Variants in DDR2 observed in about 807,000 individuals in gnomAD.
DDR2 encodes discoidin domain-containing receptor 2.
In DDR2, 27 loss-of-function variants were observed where a neutral mutation model predicts 94.9. The observed-to-expected ratio is 0.28, with a 90% CI of 0.21 to 0.39. The LOEUF is 0.39. DDR2 is among the 10% of genes least tolerant of loss of function. DDR2 has a pLI of 1.00. For synonymous variants in DDR2, 382 were observed against 377.2 expected (o/e 1.01, Z -0.15); for missense variants, 783 against 1,076.0 (o/e 0.73, Z 3.81).
At chr1:162,727,136 C>A (rs963997917) in intron 3 of DDR2, among the ~76,000 whole-genome samples, 1 of 142,036 alleles carries the variant, frequency 7.0e-6, no homozygotes, top group Non-Finnish European at 1.5e-5. Flanking sequence ...TAAATATAAA[C>A]ATATATTTAT....
In DDR2 at chr1:162,703,824, C is replaced by T. The variant is rs962127209; in HGVS notation, c.-27-15213C>T. Reference sequence around the variant, plus strand: ...CCATAGCTTCTCCCCCTCCACCCAACCCCAGCCTTTCCAGAGTGTGTCTGT... The same window carrying T: ...CCATAGCTTCTCCCCCTCCACCCAATCCCAGCCTTTCCAGAGTGTGTCTGT... On this transcript the variant is annotated intron_variant, in intron 2 of 17. Transcript: ENST00000367921. 5.9e-5 allele frequency among the ~76,000 whole-genome samples: 9 copies of T among 152,280 alleles called. No homozygotes were observed. In the East Asian group the frequency reaches 1.7e-3, roughly 29 times the overall value.
chr1:162,682,585 A>G (rs1659464890), intron 2 of DDR2, among the ~76,000 whole-genome samples: 1 of 152,250 alleles, frequency 6.6e-6, no homozygotes, highest in Non-Finnish European at 1.5e-5. Flanking sequence ...TAATGGGTGC[A>G]AGCAAGAATA....
At chr1:162,767,152 G>T (rs1405394547) in intron 10 of DDR2, 77 bp from the exon 11 acceptor site, 1 of 1,602,068 alleles carries the variant, frequency 6.2e-7, no homozygotes, top group African/African-American at 1.3e-5. Flanking sequence ...CTACCTCCAT[G>T]TTTCCAGTTC....
chr1:162,692,695 A>C (rs561017195), intron 2 of DDR2, among the ~76,000 whole-genome samples: 5 of 152,248 alleles, frequency 3.3e-5, no homozygotes, highest in Non-Finnish European at 5.9e-5. Flanking sequence ...TGCTGGTAAG[A>C]ATCAGACATG....
chr1:162,659,150 TA>T (rs1316636507), intron 2 of DDR2, among the ~76,000 whole-genome samples: 6 of 152,276 alleles, frequency 3.9e-5, no homozygotes, highest in African/African-American at 1.4e-4. Context: ...AAATAAGAGA[TA>T]ACTCCAGCCT....
intron 2 of DDR2, among the ~76,000 whole-genome samples, chr1:162,714,789 G>T (rs1661083597): frequency 6.6e-6 from 1 of 152,072 alleles, no homozygotes; most frequent in Non-Finnish European, 1.5e-5. Context: ...TTTTACTGAT[G>T]TGCTTATCAC....
At chr1:162,766,865 C>G (rs933333190) in intron 10 of DDR2, among the ~76,000 whole-genome samples, 1 of 151,960 alleles carries the variant, frequency 6.6e-6, no homozygotes, top group Admixed American at 6.6e-5. Context: ...AACCCCATCT[C>G]TACTAAAGAT....
intron 17 of DDR2, 70 bp from the exon 18 acceptor site, chr1:162,780,042 C>T (rs982496744): frequency 4.7e-5 from 76 of 1,604,538 alleles, no homozygotes; most frequent in Admixed American, 1.5e-4. Context: ...AAAGATACTT[C>T]CCTTTCCCCC....
chr1:162,762,836 G>T (rs1215345377), intron 9 of DDR2, among the ~76,000 whole-genome samples: 4 of 151,926 alleles, frequency 2.6e-5, no homozygotes, highest in Admixed American at 6.6e-5. Context: ...ATTATTATTA[G>T]TAGTAGTATG....
chr1:162,716,418 A>G (rs1661171131), intron 2 of DDR2, among the ~76,000 whole-genome samples: 2 of 152,240 alleles, frequency 1.3e-5, no homozygotes, highest in Non-Finnish European at 2.9e-5. Flanking sequence ...TTAGTGCTCA[A>G]CTATAGCCAA....
chr1:162,676,782 C>T (rs553034121), intron 2 of DDR2, among the ~76,000 whole-genome samples: 1 of 152,250 alleles, frequency 6.6e-6, no homozygotes, highest in Non-Finnish European at 1.5e-5. Flanking sequence ...CCACAGATGA[C>T]GGAAGTGAGG....
intron 2 of DDR2, among the ~76,000 whole-genome samples, chr1:162,691,609 G>A (rs1166850430): frequency 1.3e-5 from 2 of 152,228 alleles, no homozygotes; most frequent in Non-Finnish European, 2.9e-5. Context: ...GTGCTGGCAA[G>A]TACAACTGGC....
At chr1:162,717,009 A>C (rs1661195268) in intron 2 of DDR2, among the ~76,000 whole-genome samples, 1 of 151,868 alleles carries the variant, frequency 6.6e-6, no homozygotes. Context: ...AGTGTTACTC[A>C]GAGGGAATTT....
chr1:162,657,192 A>G (rs1239990329), intron 2 of DDR2, among the ~76,000 whole-genome samples: 1 of 152,108 alleles, frequency 6.6e-6, no homozygotes, highest in Non-Finnish European at 1.5e-5. Context: ...TTCAAGGCAT[A>G]TGCTATATAT....
At chr1:162,649,799 C>A (rs924508527) in intron 1 of DDR2, among the ~76,000 whole-genome samples, 68 of 152,344 alleles carry the variant, frequency 4.5e-4, no homozygotes, top group African/African-American at 1.6e-3. Flanking sequence ...ATGTGATATA[C>A]AGCAACTAGT....
chr1:162,708,786 GTAAATACC>G (rs1660767062), intron 2 of DDR2, among the ~76,000 whole-genome samples: 1 of 152,174 alleles, frequency 6.6e-6, no homozygotes, highest in African/African-American at 2.4e-5. Context: ...TTACTATCAT[GTAAATACC>G]TGCCAACCAA....
At chr1:162,746,958 G>T (rs565058185) in intron 3 of DDR2, among the ~76,000 whole-genome samples, 1 of 152,274 alleles carries the variant, frequency 6.6e-6, no homozygotes, top group Non-Finnish European at 1.5e-5. Flanking sequence ...CAAAGAGAAA[G>T]GAATAGCATC....
chr1:162,671,422 T>C (rs1194832467), intron 2 of DDR2, among the ~76,000 whole-genome samples: 1 of 152,210 alleles, frequency 6.6e-6, no homozygotes, highest in African/African-American at 2.4e-5. Context: ...ATCATATCAT[T>C]AGCATTTCCC....
At chr1:162,670,672 C>CA (rs11415575) in intron 2 of DDR2, among the ~76,000 whole-genome samples, 146,172 of 152,290 alleles carry the variant, frequency 0.96, 70,424 homozygotes, top group Middle Eastern at 1. Context: ...AATATAAACC[C>CA]AATACTTTGG....
Sources: gnomAD v4.1 joint callset for allele counts (sites outside exome capture counted in the v4.1 genomes callset) on GRCh38, gnomAD v4.1.1 for gene constraint, MANE v1.5 for transcripts, NCBI Gene and HGNC (gene_info 2026-07-23, HGNC 2026-07-21) for gene names.